Variants in SAMSN1 observed in about 807,000 individuals in gnomAD.
SAMSN1 encodes SAM domain-containing protein SAMSN-1.
SAMSN1 carries 31 observed loss-of-function variants against 42.0 expected under a neutral mutation model. The ratio of observed to expected loss-of-function variants is 0.74; its 90% CI spans 0.55 to 1.00. SAMSN1 has a LOEUF of 1.00. SAMSN1 is among the 50% of genes least tolerant of loss of function. The pLI, the probability that SAMSN1 is intolerant of heterozygous loss-of-function variation, is 0.00. For missense variants in SAMSN1, 464 were observed against 439.4 expected (o/e 1.06, Z -0.50); for synonymous variants, 178 against 151.9 (o/e 1.17, Z -1.26).
chr21:14,631,872 C>T (rs959294972), intron 2 of SAMSN1, among the ~76,000 whole-genome samples: 3 of 151,806 alleles, frequency 2.0e-5, no homozygotes, highest in South Asian at 2.1e-4. Flanking sequence ...GGACATCTGT[C>T]TTTCATTGAT....
intron 4 of SAMSN1, among the ~76,000 whole-genome samples, chr21:14,610,439 G>A (rs1262815766): frequency 1.3e-5 from 2 of 152,116 alleles, no homozygotes; most frequent in Non-Finnish European, 2.9e-5. Context: ...ATGCACATCA[G>A]GACATGGAAG....
At chr21:14,499,918 C>T (rs978247407) in intron 6 of SAMSN1, among the ~76,000 whole-genome samples, 2 of 152,112 alleles carry the variant, frequency 1.3e-5, no homozygotes, top group Non-Finnish European at 2.9e-5. Context: ...ACTGTAAATT[C>T]ATTGATACTA....
chr21:14,552,408 C>T (rs6516877), intron 2 of SAMSN1, among the ~76,000 whole-genome samples: 42,698 of 151,902 alleles, frequency 0.28, 6,368 homozygotes, highest in African/African-American at 0.39. Flanking sequence ...GTAGGTAGGG[C>T]TTTTGGGAGA....
intron 6 of SAMSN1, among the ~76,000 whole-genome samples, chr21:14,597,731 C>G (rs1982313081): frequency 6.6e-6 from 1 of 152,156 alleles, no homozygotes; most frequent in Non-Finnish European, 1.5e-5. Flanking sequence ...CCGGGTGCCG[C>G]TTCTCAAGGA....
chr21:14,596,130 TA>T lies in SAMSN1; in HGVS notation c.400-2053del, dbSNP rs572131962. On this transcript the variant is annotated intron_variant, in intron 6 of 15. Transcript: ENST00000647101. ...CTTTAAACGTGAAAGTACACATCAT[TA>T]ATGCAGTATAACTTCGGATAAGGAA... Among the ~76,000 whole-genome samples, 234 of 152,258 alleles carry T rather than the reference TA, an allele frequency of 1.5e-3. 1 individual carries two copies. Among genetic ancestry groups the T allele is most frequent in the Middle Eastern group, 0.01 (3 of 294 alleles).
intron 1 of SAMSN1, among the ~76,000 whole-genome samples, chr21:14,521,754 T>C (rs991431081): frequency 2.0e-5 from 3 of 152,026 alleles, no homozygotes; most frequent in Non-Finnish European, 4.4e-5. Flanking sequence ...AAATAGCTAA[T>C]GCATGATGGG....
chr21:14,529,258 C>A (rs1045184544), intron 1 of SAMSN1, among the ~76,000 whole-genome samples: 1 of 152,232 alleles, frequency 6.6e-6, no homozygotes, highest in South Asian at 2.1e-4. Flanking sequence ...CCTTAGGAAA[C>A]CCTTTTCCGA....
intron 2 of SAMSN1, among the ~76,000 whole-genome samples, chr21:14,560,771 T>A (rs368477706): frequency 6.6e-6 from 1 of 152,202 alleles, no homozygotes; most frequent in South Asian, 2.1e-4. Flanking sequence ...GGTTCTTCAG[T>A]GGTTCCCCAC....
intron 2 of SAMSN1, among the ~76,000 whole-genome samples, chr21:14,563,157 A>G (rs1980999283): frequency 6.6e-6 from 1 of 151,984 alleles, no homozygotes; most frequent in African/African-American, 2.4e-5. Flanking sequence ...ATATTCTGCA[A>G]TGTCATCATA....
intron 7 of SAMSN1, among the ~76,000 whole-genome samples, chr21:14,489,764 A>G (rs1304019229): frequency 3.3e-5 from 5 of 152,140 alleles, no homozygotes; most frequent in Non-Finnish European, 7.4e-5. Flanking sequence ...TCCTACCAAA[A>G]TTGTTACAGA....
At chr21:14,556,934 TCTGTGCCCAGCAACACCCTCTC>T (rs1980779801) in intron 2 of SAMSN1, among the ~76,000 whole-genome samples, 1 of 152,202 alleles carries the variant, frequency 6.6e-6, no homozygotes, top group South Asian at 2.1e-4. Flanking sequence ...CAAGTTAACA[TCTGTGCCCAGCAACACCCTCTC>T]CAACCAAAAT....
chr21:14,627,949 C>A (rs1222185731), intron 2 of SAMSN1, among the ~76,000 whole-genome samples: 1 of 152,064 alleles, frequency 6.6e-6, no homozygotes, highest in African/African-American at 2.4e-5. Flanking sequence ...TGGGGAGCAC[C>A]ATTTCTCCTT....
chr21:14,623,422 T>C, intron 2 of SAMSN1, among the ~76,000 whole-genome samples: 1 of 152,176 alleles, frequency 6.6e-6, no homozygotes, highest in South Asian at 2.1e-4. Context: ...AATAAAGGGA[T>C]GGAAGAAGAT....
intron 7 of SAMSN1, among the ~76,000 whole-genome samples, chr21:14,486,673 T>G (rs1041005834): frequency 6.6e-6 from 1 of 152,188 alleles, no homozygotes; most frequent in Non-Finnish European, 1.5e-5. Context: ...AATTTTCCTA[T>G]GTTTGCATGT....
rs187223485 is a variant in SAMSN1 at position 14,595,040 on chromosome 21, G to A, written c.400-962C>T. On this transcript the variant is annotated intron_variant, in intron 6 of 15. Coordinates refer to the SAMSN1 transcript ENST00000647101. Reference sequence around the variant, plus strand: ...CAAGAGCAAAAGAATGAAGGCGGAGGGGCTACACACTTGTAAACAACCAGA... The same window carrying A: ...CAAGAGCAAAAGAATGAAGGCGGAGAGGCTACACACTTGTAAACAACCAGA... 2.2e-4 allele frequency among the ~76,000 whole-genome samples: 33 copies of A among 152,088 alleles called. 1 individual carries two copies. Among genetic ancestry groups the A allele is most frequent in the African/African-American group, 6.7e-4 (28 of 41,500 alleles).
intron 2 of SAMSN1, among the ~76,000 whole-genome samples, chr21:14,562,821 A>G (rs188759448): frequency 5.9e-5 from 9 of 152,256 alleles, no homozygotes; most frequent in Admixed American, 5.2e-4. Context: ...ATACTGTAAT[A>G]CAGCTGTAAT....
chr21:14,580,253 A>G (rs946221170), intron 2 of SAMSN1, among the ~76,000 whole-genome samples: 1 of 152,248 alleles, frequency 6.6e-6, no homozygotes, highest in African/African-American at 2.4e-5. Flanking sequence ...TCAGTTTGGC[A>G]GTTCGGCATA....
intron 7 of SAMSN1, among the ~76,000 whole-genome samples, chr21:14,494,729 T>G (rs1446247634): frequency 6.6e-6 from 1 of 151,152 alleles, no homozygotes; most frequent in East Asian, 1.9e-4. Flanking sequence ...AAAAGTGTAA[T>G]CCAGTTTACA....
At chr21:14,602,074 A>T in exon 6 of SAMSN1, 1 of 692,104 alleles carries the variant, frequency 1.4e-6, no homozygotes. Context: ...GTATGTTGTT[A>T]CTTAGAAAAT....
Sources: allele counts gnomAD v4.1 joint callset (sites outside exome capture counted in the v4.1 genomes callset), GRCh38; gene constraint gnomAD v4.1.1; transcripts MANE v1.5; gene names NCBI Gene and HGNC (gene_info 2026-07-23, HGNC 2026-07-21).